The following ADRA1B variants were observed in gnomAD, a reference collection of about 807,000 sequenced individuals.
The protein encoded by ADRA1B is adrenoceptor alpha 1B, also known as alpha-1B adrenergic receptor.
In ADRA1B, 17 loss-of-function variants were observed where a neutral mutation model predicts 17.9. The observed-to-expected ratio is 0.95, with a 90% CI of 0.65 to 1.42. The LOEUF is 1.42. Ranked by LOEUF, ADRA1B falls within the 40% of genes most tolerant of loss-of-function variation. The pLI is 0.00. For missense variants in ADRA1B, 681 were observed against 722.1 expected (o/e 0.94, Z 0.65); for synonymous variants, 366 against 327.6 (o/e 1.12, Z -1.27).
At chr5:159,920,351 A>G (rs986765119) in intron 1 of ADRA1B, among the ~76,000 whole-genome samples, 3 of 151,640 alleles carry the variant, frequency 2.0e-5, no homozygotes, top group Non-Finnish European at 2.9e-5. Context: ...GCCCACCCTC[A>G]CTTTCTTCTT....
the ADRA1B span, among the ~76,000 whole-genome samples, chr5:159,989,033 G>C: frequency 6.6e-6 from 1 of 152,200 alleles, no homozygotes; most frequent in Non-Finnish European, 1.5e-5. Flanking sequence ...GCCTAGAAAT[G>C]GATTTTTTTG....
At chr5:159,950,716 A>C (rs13154044) in intron 1 of ADRA1B, 86,882 of 680,648 alleles carry the variant, frequency 0.13, 6,427 homozygotes, top group Non-Finnish European at 0.15. Flanking sequence ...TGCTCACTTC[A>C]CCACCTTCTT....
At chr5:159,984,525 T>C in the ADRA1B span, among the ~76,000 whole-genome samples, 8 of 152,104 alleles carry the variant, frequency 5.3e-5, no homozygotes, top group African/African-American at 1.9e-4. Context: ...TGCAGTTGCC[T>C]CCTAACTAAC....
At chr5:159,947,633 GC>G (rs1755313527) in intron 1 of ADRA1B, 21 of 864,796 alleles carry the variant, frequency 2.4e-5, no homozygotes, top group Non-Finnish European at 2.9e-5. Context: ...TCAAATTAAC[GC>G]TAAAGCTATT....
intron 1 of ADRA1B, among the ~76,000 whole-genome samples, chr5:159,886,112 C>G (rs1380923640): frequency 6.6e-6 from 1 of 152,140 alleles, no homozygotes; most frequent in East Asian, 1.9e-4. Flanking sequence ...AAACTGACAT[C>G]CAGTTGTCTT....
downstream of ADRA1B, among the ~76,000 whole-genome samples, chr5:159,976,527 C>T (rs1041996299): frequency 2.0e-5 from 3 of 151,356 alleles, no homozygotes; most frequent in South Asian, 4.2e-4. Context: ...ATTAGCCAGG[C>T]GTGGTGGCAT....
downstream of ADRA1B, among the ~76,000 whole-genome samples, chr5:159,976,673 T>C (rs1285231373): frequency 2.0e-5 from 3 of 151,142 alleles, no homozygotes; most frequent in Non-Finnish European, 4.4e-5. Context: ...AAAATTGTCC[T>C]ACAGCATGAA....
chr5:159,867,964 A>G (rs989641814), intron 1 of ADRA1B: 2 of 152,188 alleles, frequency 1.3e-5, no homozygotes, highest in South Asian at 2.1e-4. Context: ...TTAAACACCC[A>G]TTGCAAACAA....
intron 1 of ADRA1B, chr5:159,950,895 G>A (rs1017891371): frequency 3.5e-6 from 2 of 576,728 alleles, no homozygotes; most frequent in Non-Finnish European, 6.6e-6. Context: ...ATGTTCTGGA[G>A]AGCCCCGCAG....
intron 1 of ADRA1B, among the ~76,000 whole-genome samples, chr5:159,934,639 T>C (rs1198809877): frequency 6.6e-6 from 1 of 151,976 alleles, no homozygotes; most frequent in Non-Finnish European, 1.5e-5. Context: ...ACCCCGTCTG[T>C]ACTAAAAATA....
intron 1 of ADRA1B, among the ~76,000 whole-genome samples, chr5:159,942,728 T>A (rs1026095076): frequency 6.6e-6 from 1 of 152,166 alleles, no homozygotes; most frequent in Non-Finnish European, 1.5e-5. Flanking sequence ...TTACATTTTT[T>A]AAATCCCAAA....
chr5:159,913,490 A>G (rs111512067), upstream of ADRA1B, among the ~76,000 whole-genome samples: 43 of 152,348 alleles, frequency 2.8e-4, no homozygotes, highest in African/African-American at 1.0e-3. Context: ...CACGAAACAC[A>G]CTGGTAAATG....
At chr5:159,977,818 C>T (rs1433087606), downstream of ADRA1B, among the ~76,000 whole-genome samples, 1 of 152,118 alleles carries the variant, frequency 6.6e-6, no homozygotes, top group African/African-American at 2.4e-5. Flanking sequence ...CAGTTTGCTA[C>T]TCTTCAAATG....
chr5:159,921,521 G>T (rs1183008561), intron 1 of ADRA1B, among the ~76,000 whole-genome samples: 1 of 152,164 alleles, frequency 6.6e-6, no homozygotes, highest in African/African-American at 2.4e-5. Context: ...CAGCAGTGGG[G>T]GAAATTGGGG....
At chr5:159,914,572 T>A (rs898429226), upstream of ADRA1B, among the ~76,000 whole-genome samples, 11 of 152,208 alleles carry the variant, frequency 7.2e-5, no homozygotes, top group Non-Finnish European at 1.5e-4. Flanking sequence ...CTACCACAGA[T>A]TTCTTAACCC....
intron 1 of ADRA1B, chr5:159,869,392 T>C (rs993697367): frequency 3.9e-5 from 6 of 152,198 alleles, no homozygotes; most frequent in African/African-American, 1.4e-4. Flanking sequence ...TAAAGTTCTT[T>C]TAAACTACTG....
the ADRA1B span, among the ~76,000 whole-genome samples, chr5:159,985,176 C>A: frequency 6.6e-6 from 1 of 152,172 alleles, no homozygotes; most frequent in Non-Finnish European, 1.5e-5. Context: ...AGGTTTCACA[C>A]CCTTCAGGAC....
chr5:159,957,929 C>CAAAAAAAAAAAAAAAAAAAAAA (rs35956137), intron 1 of ADRA1B, among the ~76,000 whole-genome samples: 82 of 66,818 alleles, frequency 1.2e-3, no homozygotes, highest in Non-Finnish European at 1.5e-3. Context: ...AACCCCATCT[C>CAAAAAAAAAAAAAAAAAAAAAA]AAAAAAAAAA....
chr5:159,871,784 A>G (rs1369029281), intron 1 of ADRA1B, among the ~76,000 whole-genome samples: 1 of 152,226 alleles, frequency 6.6e-6, no homozygotes, highest in Non-Finnish European at 1.5e-5. Flanking sequence ...GAATTTTAAA[A>G]GTAGATTGAA....
Sources: gnomAD v4.1 joint callset for allele counts (sites outside exome capture counted in the v4.1 genomes callset) on GRCh38, gnomAD v4.1.1 for gene constraint, MANE v1.5 for transcripts, NCBI Gene and HGNC (gene_info 2026-07-23, HGNC 2026-07-21) for gene names.